The following SPATA17 variants were observed in gnomAD, a reference collection of about 807,000 sequenced individuals.
SPATA17 encodes spermatogenesis associated 17, also known as spermatogenesis-associated protein 17.
A neutral mutation model predicts 62.2 loss-of-function variants in SPATA17; 53 were observed. The ratio of observed to expected loss-of-function variants is 0.85; its 90% CI spans 0.68 to 1.07. The LOEUF (loss-of-function observed/expected upper bound fraction) is 1.07, where lower values mean the gene tolerates loss of function less well. Ranked by LOEUF, SPATA17 falls within the 50% of genes least tolerant of loss-of-function variation. The pLI is 0.00. For synonymous variants in SPATA17, 146 were observed against 146.8 expected (o/e 0.99, Z 0.04); for missense variants, 466 against 425.5 (o/e 1.10, Z -0.84).
intron 6 of SPATA17, among the ~76,000 whole-genome samples, chr1:217,770,325 G>A (rs1673409453): frequency 6.6e-6 from 1 of 152,068 alleles, no homozygotes; most frequent in South Asian, 2.1e-4. Context: ...CTGCGTAATT[G>A]TCATTTGTGA....
intron 5 of SPATA17, among the ~76,000 whole-genome samples, chr1:217,724,947 C>T (rs1367789736): frequency 6.6e-6 from 1 of 152,094 alleles, no homozygotes; most frequent in Non-Finnish European, 1.5e-5. Flanking sequence ...GACTTGCAAA[C>T]ATATTTATGG....
intron 5 of SPATA17, among the ~76,000 whole-genome samples, chr1:217,708,540 C>T (rs188874325): frequency 3.0e-4 from 46 of 152,080 alleles, no homozygotes; most frequent in African/African-American, 1.0e-3. Flanking sequence ...ATAATGAGTT[C>T]CAAAGTTGAA....
intron 8 of SPATA17, among the ~76,000 whole-genome samples, chr1:217,794,643 G>T (rs1052378293): frequency 3.3e-5 from 5 of 152,178 alleles, no homozygotes; most frequent in Non-Finnish European, 7.3e-5. Flanking sequence ...AAAATCAGGA[G>T]ATCTAGAAGG....
chr1:217,660,012 C>A (rs1214443431), intron 3 of SPATA17, among the ~76,000 whole-genome samples: 1 of 152,170 alleles, frequency 6.6e-6, no homozygotes, highest in Non-Finnish European at 1.5e-5. Context: ...TCTTGCTATA[C>A]CTATGTAAAT....
rs147491092 is a variant in SPATA17, at chr1:217,831,703, A to G, written c.1005+29853A>G. Among the ~76,000 whole-genome samples the G allele has an allele frequency of 6.9e-3, 1,055 of 152,282 alleles. 13 individuals carry two copies. The highest frequency in any genetic ancestry group is 0.024 in the African/African-American group (1,001 of 41,572). On this transcript the variant is annotated intron_variant, in intron 9 of 10. Transcript: ENST00000366933. ...CTGCATTTGTTTGTGTATGAATCTA[A>G]TGATTTGCCATTAGAAGACTGGAAG...
At chr1:217,665,571 A>G (rs1670677242) in intron 3 of SPATA17, 1 of 152,144 alleles carries the variant, frequency 6.6e-6, no homozygotes, top group African/African-American at 2.4e-5. Context: ...CCTCAATATA[A>G]AATAGAAAAC....
chr1:217,642,034 G>T (rs1670076938), intron 1 of SPATA17, among the ~76,000 whole-genome samples: 1 of 151,994 alleles, frequency 6.6e-6, no homozygotes, highest in East Asian at 1.9e-4. Context: ...ATTTAGGTTT[G>T]TCTGATTTTT....
At chr1:217,786,157 C>A (rs565428832) in intron 8 of SPATA17, among the ~76,000 whole-genome samples, 1 of 152,262 alleles carries the variant, frequency 6.6e-6, no homozygotes, top group Admixed American at 6.5e-5. Context: ...GTGAATAAAT[C>A]AGACATAGCC....
chr1:217,646,767 C>T (rs1386732967), intron 1 of SPATA17, among the ~76,000 whole-genome samples: 2 of 152,044 alleles, frequency 1.3e-5, no homozygotes, highest in Non-Finnish European at 2.9e-5. Context: ...TGGTGGCGTG[C>T]ACCTGTAGTT....
At chr1:217,850,292 A>T in intron 9 of SPATA17, 1 of 408,514 alleles carries the variant, frequency 2.4e-6, no homozygotes, top group Non-Finnish European at 4.6e-6. Context: ...AACATTTTGA[A>T]CAGGTTCAAC....
chr1:217,650,718 C>A (rs1670292793), intron 2 of SPATA17, among the ~76,000 whole-genome samples: 1 of 152,220 alleles, frequency 6.6e-6, no homozygotes. Flanking sequence ...GCCACTGCGC[C>A]CGGCCCTCAT....
intron 5 of SPATA17, among the ~76,000 whole-genome samples, chr1:217,723,249 A>G (rs1039347798): frequency 6.6e-6 from 1 of 152,206 alleles, no homozygotes; most frequent in Non-Finnish European, 1.5e-5. Flanking sequence ...CCTGAAAAGT[A>G]AAAGGATTGG....
intron 9 of SPATA17, among the ~76,000 whole-genome samples, chr1:217,817,938 T>C (rs995500797): frequency 6.6e-6 from 1 of 152,034 alleles, no homozygotes; most frequent in South Asian, 2.1e-4. Flanking sequence ...CTCTTAGTTT[T>C]AGCATTTCTG....
intron 5 of SPATA17, among the ~76,000 whole-genome samples, chr1:217,703,415 G>A (rs1011277503): frequency 1.4e-5 from 2 of 146,260 alleles, no homozygotes; most frequent in Non-Finnish European, 3.0e-5. Context: ...CAGGTGATCC[G>A]CTGGCCTTGG....
intron 10 of SPATA17, among the ~76,000 whole-genome samples, chr1:217,865,742 T>A (rs773140234): frequency 5.3e-5 from 8 of 152,174 alleles, no homozygotes; most frequent in Non-Finnish European, 1.2e-4. Context: ...ATGAATTGTA[T>A]AATGTACCCG....
intron 9 of SPATA17, among the ~76,000 whole-genome samples, chr1:217,851,150 G>T (rs1675656661): frequency 6.6e-6 from 1 of 152,070 alleles, no homozygotes; most frequent in African/African-American, 2.4e-5. Flanking sequence ...TCAGTGTGGT[G>T]TGTCAGCAGC....
intron 9 of SPATA17, among the ~76,000 whole-genome samples, chr1:217,831,067 T>G (rs1189998402): frequency 6.6e-6 from 1 of 152,130 alleles, no homozygotes; most frequent in Non-Finnish European, 1.5e-5. Flanking sequence ...ACAATTGGAG[T>G]ATTTAATAAA....
intron 1 of SPATA17, among the ~76,000 whole-genome samples, chr1:217,639,534 C>T (rs1670010072): frequency 6.6e-6 from 1 of 152,058 alleles, no homozygotes; most frequent in East Asian, 1.9e-4. Context: ...AGCAATTCTA[C>T]AATAATTTTC....
chr1:217,637,855 A>C (rs1311992415), intron 1 of SPATA17, among the ~76,000 whole-genome samples: 3 of 152,212 alleles, frequency 2.0e-5, no homozygotes, highest in Non-Finnish European at 4.4e-5. Context: ...CAACAGTTCA[A>C]ATCCTAACTC....
Sources: allele counts gnomAD v4.1 joint callset (sites outside exome capture counted in the v4.1 genomes callset), GRCh38; gene constraint gnomAD v4.1.1; transcripts MANE v1.5; gene names NCBI Gene and HGNC (gene_info 2026-07-23, HGNC 2026-07-21).